The following SHISA3 variants were observed in gnomAD, a reference collection of about 807,000 sequenced individuals.
The protein encoded by SHISA3 is shisa family member 3, also known as protein shisa-3 homolog.
In SHISA3, 15 loss-of-function variants were observed where a neutral mutation model predicts 19.2. The observed-to-expected ratio is 0.78, with a 90% CI of 0.52 to 1.20. The LOEUF (loss-of-function observed/expected upper bound fraction) is 1.20. SHISA3 is among the 50% of genes most tolerant of loss of function. SHISA3 has a pLI of 0.00. For synonymous variants in SHISA3, 145 were observed against 135.2 expected, an observed-to-expected ratio of 1.07 and a Z score of -0.50; for missense variants, 327 against 315.7, an observed-to-expected ratio of 1.04 and a Z score of -0.27.
chr4:42,400,860 G>T, intron 1 of SHISA3, 152 bp from the exon 2 acceptor site: 2 of 734,040 alleles, frequency 2.7e-6, no homozygotes, highest in Non-Finnish European at 4.5e-6. Flanking sequence ...ATTGCATTTT[G>T]GAGGTTACCA....
chr4:42,399,648 T>A lies in SHISA3; in HGVS notation c.277+1315T>A, dbSNP rs1711851031. Among the ~76,000 whole-genome samples, 4 of 152,148 alleles carry A rather than the reference T, an allele frequency of 2.6e-5. No homozygotes were observed. The South Asian group carries it at 8.3e-4, about 32-fold the overall frequency. Reference sequence around the variant, plus strand: ...AGAGGCAGTCTCCACACTCACTGAGTCTGGGATCAGGCAAACCCTGATGGA... The same window carrying A: ...AGAGGCAGTCTCCACACTCACTGAGACTGGGATCAGGCAAACCCTGATGGA... On this transcript the variant is annotated intron_variant, in intron 1 of 1. Coordinates refer to ENST00000319234, the MANE Select transcript of SHISA3 (RefSeq NM_001080505.3).
chr4:42,401,273 T>C lies in SHISA3; in HGVS notation c.539T>C (p.Phe180Ser). ...STGGSIRRFS[F>S]ARAEPGCLVP... ...GGCGGCTCCATCCGCAGGTTCTCCT[T>C]TGCCAGGGCTGAGCCGGGCTGCCTG... The change falls in exon 2 of 2, where the codon TTT becomes TCT. Residue 180 changes from phenylalanine to serine, a missense_variant. By Grantham distance (155) the Phe-to-Ser change is radical. Coordinates refer to ENST00000319234, the MANE Select transcript of SHISA3 (RefSeq NM_001080505.3). 6.2e-7 allele frequency: 1 copy of C among 1,614,168 alleles called. No individual in the cohort carries two copies. The highest frequency in any genetic ancestry group is 8.5e-7 in the Non-Finnish European group (1 of 1,180,010).
Position 42,401,238 on chromosome 4 carries a change from C to T in SHISA3, c.504C>T (p.Ser168=). The change falls in exon 2 of 2, where the codon TCC becomes TCT. Residue 168 remains serine, a synonymous_variant. Coordinates refer to ENST00000319234, the MANE Select transcript of SHISA3 (RefSeq NM_001080505.3). ...PSRQSSTATS[S]SSTGGSIRRF... ...GGCAGTCCAGCACAGCCACGAGCTC[C>T]AGCTCCACAGGCGGCTCCATCCGCA... The T allele has an allele frequency of 6.2e-7, 1 of 1,614,198 alleles. No individual in the cohort carries two copies. The highest frequency in any genetic ancestry group is 2.2e-5 in the East Asian group (1 of 44,882).
Position 42,397,737 on chromosome 4 carries a change from G to T in SHISA3, c.-320G>T. ...AGGGAGGTGGCCGGGGGGTTGGCGC[G>T]CCCCTCGCGCGGGGAGCGCTATGAG... is the stretch of plus-strand genomic sequence containing the variant. On this transcript the variant is annotated 5_prime_UTR_variant, in exon 1 of 2. Coordinates refer to ENST00000319234, the MANE Select transcript of SHISA3 (RefSeq NM_001080505.3). The T allele has an allele frequency of 3.3e-6, 1 of 307,348 alleles. No individual in the cohort carries two copies. The highest frequency in any genetic ancestry group is 6.0e-6 in the Non-Finnish European group (1 of 167,944). The allele number at this position is 307,348 out of a possible 1,614,324, so 19.0% of individuals were successfully genotyped here. A position where few individuals can be genotyped will look rare whatever the true frequency, so the allele number is the denominator to read the frequency against.
At position 42,401,353 on chromosome 4, in the gene SHISA3, C is replaced by A. The variant is rs1711917147; in HGVS notation, c.619C>A (p.Pro207Thr). The A allele has an allele frequency of 1.9e-6, 3 of 1,614,142 alleles. No individual in the cohort carries two copies. The South Asian group carries it at 3.3e-5, about 18-fold the overall frequency. The change falls in exon 2 of 2, where the codon CCA becomes ACA. Residue 207 changes from proline to threonine, a missense_variant. Coordinates refer to ENST00000319234, the MANE Select transcript of SHISA3 (RefSeq NM_001080505.3). ...CAGCCACTCAATCCACCTGGCTCAG[C>A]CATCTGGTTTCCTGGTGTCACCCCA... The part of the protein sequence containing the change: ...TTSHSIHLAQ[P>T]SGFLVSPQYF...
intron 1 of SHISA3, 116 bp downstream of exon 1, chr4:42,398,449 C>T (rs1025730537): frequency 8.7e-7 from 1 of 1,156,030 alleles, no homozygotes. Flanking sequence ...GGTCTGTGCG[C>T]CAGGGGGACG....
intron 1 of SHISA3, among the ~76,000 whole-genome samples, chr4:42,398,833 T>C (rs971643792): frequency 2.7e-5 from 4 of 150,868 alleles, no homozygotes; most frequent in African/African-American, 9.8e-5. Context: ...ACTTTTTTTT[T>C]CTGTCTTAAT....
rs1711906045 is a variant in SHISA3 at position 42,401,194 on chromosome 4, A to G, written c.460A>G (p.Ser154Gly). 6 of 1,614,134 alleles carry G rather than the reference A, an allele frequency of 3.7e-6. No individual in the cohort carries two copies. The East Asian group carries it at 1.3e-4, about 36-fold the overall frequency. ...ETLPMILTST[S>G]PRAPSRQSST... ...CCTGCCCATGATCCTGACCTCCACCAGCCCCAGGGCACCCTCCCGGCAGTC... is the reference window on the plus strand; with the variant it reads ...CCTGCCCATGATCCTGACCTCCACCGGCCCCAGGGCACCCTCCCGGCAGTC... Residue 154 changes from serine to glycine, a missense_variant, in exon 2 of 2, where the codon AGC (serine) becomes GGC (glycine). Transcript: ENST00000319234.
At chr4:42,400,901 C>A in intron 1 of SHISA3, 111 bp from the exon 2 acceptor site, 1 of 1,050,566 alleles carries the variant, frequency 9.5e-7, no homozygotes, top group South Asian at 1.5e-5. Context: ...GAGCTGACAG[C>A]AGTGATAGTA....
In SHISA3 at chr4:42,401,146, C is replaced by T; in HGVS notation, c.412C>T (p.Leu138Phe). The part of the protein sequence containing the change: ...EPSQQPIRFS[L>F]RSYQTETLPM... ...CTCGCAGCAGCCAATCCGCTTCTCA[C>T]TCCGCAGCTATCAGACAGAGACCCT... is the stretch of plus-strand genomic sequence containing the variant. The change falls in exon 2 of 2, where the codon CTC becomes TTC. Residue 138 changes from leucine (L) to phenylalanine (F), a missense_variant. Coordinates refer to ENST00000319234, the MANE Select transcript of SHISA3 (RefSeq NM_001080505.3). The T allele has an allele frequency of 6.2e-7, 1 of 1,614,234 alleles. No individual in the cohort carries two copies. Among genetic ancestry groups the T allele is most frequent in the Non-Finnish European group, 8.5e-7 (1 of 1,180,038 alleles).
chr4:42,402,216 C>G lies in SHISA3; in HGVS notation c.*765C>G, dbSNP rs1711943570. On this transcript the variant is annotated 3_prime_UTR_variant, in exon 2 of 2. Coordinates refer to ENST00000319234, the MANE Select transcript of SHISA3 (RefSeq NM_001080505.3). ...TTCAGTGAAAGTTGGACAGTTGGGG[C>G]TTAAAACATTTATTTGTAAAATGAG... 1 of 152,096 alleles carries G rather than the reference C, an allele frequency of 6.6e-6. No homozygotes were observed. The highest frequency in any genetic ancestry group is 1.9e-4 in the East Asian group (1 of 5,198). 9.4% of individuals were successfully genotyped at this position (152,096 alleles called of 1,614,324 possible).
chr4:42,397,816 C>T lies in SHISA3; in HGVS notation c.-241C>T. On this transcript the variant is annotated 5_prime_UTR_variant, in exon 1 of 2. Transcript: ENST00000319234. ...AGCAACTGCCTCTGCCGGCGCCTCC[C>T]GCAGGCCCTCGCCAACTCGCCCCGC... 2.3e-6 allele frequency: 1 copy of T among 441,544 alleles called. No homozygotes were observed. The allele number at this position is 441,544 out of a possible 1,614,324, so 27.4% of individuals were successfully genotyped here.
Position 42,398,260 on chromosome 4 carries a change from G to T in SHISA3, c.204G>T (p.Ala68=). ...GSCALRYCCA[A]ADARLEQGGC... ...GCGCGCTCCGCTACTGTTGCGCCGC[G>T]GCCGACGCCAGGCTGGAGCAGGGCG... Residue 68 remains alanine, a synonymous_variant, in exon 1 of 2, where the codon GCG becomes GCT. Coordinates refer to ENST00000319234, the MANE Select transcript of SHISA3 (RefSeq NM_001080505.3). The T allele has an allele frequency of 6.4e-7, 1 of 1,570,240 alleles. No homozygotes were observed. Among genetic ancestry groups the T allele is most frequent in the Non-Finnish European group, 8.6e-7 (1 of 1,158,214 alleles).
Position 42,398,317 on chromosome 4 carries a change from C to G in SHISA3, c.261C>G (p.His87Gln). The G allele has an allele frequency of 6.4e-7, 1 of 1,557,816 alleles. No homozygotes were observed. ...CCAACGACCGCCGCGAACTGGAGCA[C>G]CCAGGCATCACTGCGCGTAAGTGCG... is the stretch of plus-strand genomic sequence containing the variant. Reference protein sequence around the residue: ...GCTNDRRELEHPGITAQPVYV... With the variant: ...GCTNDRRELEQPGITAQPVYV... Residue 87 changes from histidine (H) to glutamine (Q), a missense_variant, in exon 1 of 2, where the codon CAC becomes CAG. Physicochemically the swap from His to Gln is conservative, Grantham distance 24. Transcript: ENST00000319234.
In SHISA3 at chr4:42,398,166, A is replaced by G. The variant is rs773112495; in HGVS notation, c.110A>G (p.Asn37Ser). 13 of 1,607,018 alleles carry G rather than the reference A, an allele frequency of 8.1e-6. No homozygotes were observed. The Admixed American group carries it at 1.7e-4, about 21-fold the overall frequency. The change falls in exon 1 of 2, where the codon AAC (asparagine) becomes AGC (serine). Residue 37 changes from asparagine (N) to serine (S), a missense_variant. By Grantham distance (46) the Asn-to-Ser change is conservative. Coordinates refer to ENST00000319234, the MANE Select transcript of SHISA3 (RefSeq NM_001080505.3). ...YCHGWVDVQG[N>S]YHEGFQCPED... ...CACGGCTGGGTGGACGTGCAGGGCA[A>G]CTACCACGAGGGCTTCCAGTGCCCA...
chr4:42,400,809 C>T (rs1049780253), intron 1 of SHISA3, among the ~76,000 whole-genome samples: 5 of 152,082 alleles, frequency 3.3e-5, no homozygotes, highest in African/African-American at 1.2e-4. Context: ...TTGCTTCCTC[C>T]CTGCTAGGAG....
At chr4:42,399,304 C>T (rs575394463) in intron 1 of SHISA3, among the ~76,000 whole-genome samples, 1 of 152,252 alleles carries the variant, frequency 6.6e-6, no homozygotes, top group East Asian at 1.9e-4. Flanking sequence ...CCCCAACGGC[C>T]CCTCCCCGCA....
At chr4:42,398,454 G>T (rs927413228) in intron 1 of SHISA3, 121 bp downstream of exon 1, 9 of 1,116,584 alleles carry the variant, frequency 8.1e-6, no homozygotes, top group Middle Eastern at 2.9e-4. Flanking sequence ...GTGCGCCAGG[G>T]GGACGCGGCC....
In SHISA3 at chr4:42,401,551, G is replaced by C. The variant is rs1711924924; in HGVS notation, c.*100G>C. The stretch of plus-strand genomic sequence containing the variant: ...TTCTGAGAAAATTTCCCTTGTAACT[G>C]ATCAGTGTCATGGAGGAGCATGCTA... On this transcript the variant is annotated 3_prime_UTR_variant, in exon 2 of 2. Transcript: ENST00000319234. 1.6e-5 allele frequency: 21 copies of C among 1,284,796 alleles called. No homozygotes were observed. Among genetic ancestry groups the C allele is most frequent in the Non-Finnish European group, 2.3e-5 (21 of 930,902 alleles). The allele number at this position is 1,284,796 out of a possible 1,614,324, so 79.6% of individuals were successfully genotyped here. A position where few individuals can be genotyped will look rare whatever the true frequency, so the allele number is the denominator to read the frequency against.
Sources: allele counts gnomAD v4.1 joint callset (sites outside exome capture counted in the v4.1 genomes callset), GRCh38; gene constraint gnomAD v4.1.1; transcripts MANE v1.5; gene names NCBI Gene and HGNC (gene_info 2026-07-23, HGNC 2026-07-21).